The following TCF12 variants were observed in gnomAD, a reference collection of about 807,000 sequenced individuals.
TCF12 encodes the protein DNA-binding protein HTF4.
In TCF12, 45 loss-of-function variants were observed where a neutral mutation model predicts 86.0. The ratio of observed to expected loss-of-function variants is 0.52; its 90% CI spans 0.41 to 0.67. The LOEUF (loss-of-function observed/expected upper bound fraction) is 0.67. Ranked by LOEUF, TCF12 falls within the 30% of genes least tolerant of loss-of-function variation. TCF12 has a pLI of 0.00. For synonymous variants in TCF12, 330 were observed against 299.6 expected (o/e 1.10, Z -1.05); for missense variants, 881 against 859.9 (o/e 1.02, Z -0.31).
intron 3 of TCF12, among the ~76,000 whole-genome samples, chr15:56,983,036 C>T (rs2062970767): frequency 6.6e-6 from 1 of 152,170 alleles, no homozygotes. Context: ...TTTGGAAGCA[C>T]ATTGAGAGAA....
At chr15:56,971,902 G>A (rs181531836) in intron 3 of TCF12, among the ~76,000 whole-genome samples, 10 of 152,142 alleles carry the variant, frequency 6.6e-5, no homozygotes, top group African/African-American at 2.4e-4. Flanking sequence ...GTTGGGTAGC[G>A]GGAGTAGATG....
chr15:56,919,596 G>C (rs2059677859), intron 1 of TCF12: 1 of 221,544 alleles, frequency 4.5e-6, no homozygotes, highest in Non-Finnish European at 9.0e-6. Context: ...GCGCGGAGCA[G>C]GGGGCGCCGA....
At chr15:57,246,823 A>T (rs763880685) in intron 13 of TCF12, 12 of 341,466 alleles carry the variant, frequency 3.5e-5, no homozygotes, top group Non-Finnish European at 5.7e-5. Context: ...CTGACTATGG[A>T]TCATTGTTCC....
At chr15:56,991,459 C>T (rs1384228008) in intron 3 of TCF12, among the ~76,000 whole-genome samples, 1 of 152,124 alleles carries the variant, frequency 6.6e-6, no homozygotes, top group African/African-American at 2.4e-5. Context: ...ATTCTAATTT[C>T]TACAATATAA....
intron 18 of TCF12, among the ~76,000 whole-genome samples, chr15:57,265,510 G>A (rs2060821414): frequency 6.6e-6 from 1 of 151,796 alleles, no homozygotes; most frequent in Non-Finnish European, 1.5e-5. Context: ...GGAATAATTG[G>A]GTAAATAATA....
At chr15:56,978,704 G>C (rs556734685) in intron 3 of TCF12, among the ~76,000 whole-genome samples, 2 of 152,092 alleles carry the variant, frequency 1.3e-5, no homozygotes, top group Admixed American at 1.3e-4. Context: ...TTATTTCCTT[G>C]ATAGAAAAAT....
chr15:57,144,102 GT>G (rs1379667181), intron 5 of TCF12, among the ~76,000 whole-genome samples: 1 of 152,168 alleles, frequency 6.6e-6, no homozygotes, highest in Non-Finnish European at 1.5e-5. Context: ...ACTTCTATTA[GT>G]TTTTGAACAG....
chr15:57,027,375 T>G (rs1279753546), intron 3 of TCF12, among the ~76,000 whole-genome samples: 7 of 152,212 alleles, frequency 4.6e-5, no homozygotes, highest in African/African-American at 1.7e-4. Context: ...TTTTCAAGAT[T>G]TATCCAAGTT....
At chr15:57,152,892 C>T (rs1253993728) in intron 5 of TCF12, among the ~76,000 whole-genome samples, 4 of 151,614 alleles carry the variant, frequency 2.6e-5, no homozygotes, top group African/African-American at 7.3e-5. Context: ...TTCCCTTAGA[C>T]ATATTTAAAG....
At chr15:56,926,672 G>C (rs1186856585) in intron 3 of TCF12, among the ~76,000 whole-genome samples, 2 of 152,162 alleles carry the variant, frequency 1.3e-5, no homozygotes, top group African/African-American at 4.8e-5. Flanking sequence ...CTTAATTCCT[G>C]GGGGAGCTCA....
intron 3 of TCF12, among the ~76,000 whole-genome samples, chr15:57,034,810 C>T (rs1189443030): frequency 6.6e-6 from 1 of 152,132 alleles, no homozygotes; most frequent in African/African-American, 2.4e-5. Context: ...TCTCCCTGGT[C>T]AGTGTTATTT....
intron 5 of TCF12, among the ~76,000 whole-genome samples, chr15:57,155,005 A>G (rs544402789): frequency 3.2e-4 from 49 of 152,310 alleles, no homozygotes; most frequent in Non-Finnish European, 5.9e-4. Context: ...CAAAAAACCC[A>G]GTGAGGTAGA....
At chr15:57,175,811 T>C (rs2055867711) in intron 6 of TCF12, among the ~76,000 whole-genome samples, 2 of 152,210 alleles carry the variant, frequency 1.3e-5, no homozygotes, top group African/African-American at 2.4e-5. Flanking sequence ...ATTCGACTTT[T>C]CTATAACTTT....
Position 57,239,235 on chromosome 15 carries a change from C to T in TCF12, c.1036-4237C>T, listed in dbSNP as rs556324404. ...GCATGGTGGTGCATGCCTGTAATCC[C>T]AGCTAGTCGGGAGGCTGGGGCAGGA... On this transcript the variant is annotated intron_variant, in intron 12 of 20. Transcript: ENST00000333725. 3.2e-4 allele frequency among the ~76,000 whole-genome samples: 48 copies of T among 152,222 alleles called. 2 individuals carry two copies. In the South Asian group the frequency reaches 9.6e-3, roughly 30 times the overall value.
At chr15:56,921,947 G>A (rs2059811324) in intron 3 of TCF12, among the ~76,000 whole-genome samples, 1 of 151,870 alleles carries the variant, frequency 6.6e-6, no homozygotes, top group African/African-American at 2.4e-5. Context: ...GAGCTTATGG[G>A]GAAAGTATAG....
At chr15:57,217,736 T>C (rs191166767) in intron 8 of TCF12, among the ~76,000 whole-genome samples, 1 of 148,912 alleles carries the variant, frequency 6.7e-6, no homozygotes, top group Non-Finnish European at 1.5e-5. Context: ...TTGATTTTCC[T>C]TTTTTTTTGT....
At chr15:57,284,726 G>A (rs1430019795) in intron 20 of TCF12, among the ~76,000 whole-genome samples, 1 of 152,196 alleles carries the variant, frequency 6.6e-6, no homozygotes, top group Non-Finnish European at 1.5e-5. Context: ...TCTCGCTCTA[G>A]TTAGTTCTAC....
intron 3 of TCF12, among the ~76,000 whole-genome samples, chr15:56,959,810 GT>G (rs1279367956): frequency 6.6e-6 from 1 of 151,932 alleles, no homozygotes; most frequent in African/African-American, 2.4e-5. Flanking sequence ...TTAGAAATTG[GT>G]CATGTATTGG....
At position 57,286,312 on chromosome 15, in the gene TCF12, C is replaced by G. The variant is rs768552235; in HGVS notation, c.*167C>G. On this transcript the variant is annotated 3_prime_UTR_variant, in exon 21 of 21. Coordinates refer to ENST00000333725, the MANE Select transcript of TCF12 (RefSeq NM_207037.2). Reference sequence around the variant, plus strand: ...AAATGTAATCCTACGATCAAAGCAACTGGTCAACACTTCCATCAGAAGTGA... The same window carrying G: ...AAATGTAATCCTACGATCAAAGCAAGTGGTCAACACTTCCATCAGAAGTGA... 6 of 196,510 alleles carry G rather than the reference C, an allele frequency of 3.1e-5. No individual in the cohort carries two copies. The highest frequency in any genetic ancestry group is 1.4e-4 in the African/African-American group (6 of 42,422). The allele number at this position is 196,510 out of a possible 1,614,324, so 12.2% of individuals were successfully genotyped here. A position where few individuals can be genotyped will look rare whatever the true frequency, so the allele number is the denominator to read the frequency against.
Sources: allele counts gnomAD v4.1 joint callset (sites outside exome capture counted in the v4.1 genomes callset), GRCh38; gene constraint gnomAD v4.1.1; transcripts MANE v1.5; gene names NCBI Gene and HGNC (gene_info 2026-07-23, HGNC 2026-07-21).